The following PDIA5 variants were observed in gnomAD, a reference collection of about 807,000 sequenced individuals.
The protein encoded by PDIA5 is protein disulfide-isomerase A5.
A neutral mutation model predicts 77.6 loss-of-function variants in PDIA5; 58 were observed. The observed-to-expected ratio is 0.75, with a 90% CI of 0.61 to 0.93. PDIA5 has a LOEUF of 0.93. PDIA5 is among the 40% of genes least tolerant of loss of function. The probability of loss-of-function intolerance (pLI) is 0.00; values close to 1 mark genes in which losing one functional copy is unlikely to be tolerated. For synonymous variants in PDIA5, 250 were observed against 252.1 expected, an observed-to-expected ratio of 0.99 and a Z score of 0.08; for missense variants, 630 against 647.7, an observed-to-expected ratio of 0.97 and a Z score of 0.30.
At chr3:123,124,411 T>A in intron 10 of PDIA5, 68 bp downstream of exon 10, 1 of 1,103,984 alleles carries the variant, frequency 9.1e-7, no homozygotes, top group East Asian at 2.3e-5. Context: ...GGCCTGAGGG[T>A]CGCAGGGCTC....
At chr3:123,151,128 A>G (rs1296884558) in intron 14 of PDIA5, among the ~76,000 whole-genome samples, 1 of 152,118 alleles carries the variant, frequency 6.6e-6, no homozygotes, top group Non-Finnish European at 1.5e-5. Context: ...CCCACCTTTC[A>G]AGTGTCAGTA....
At chr3:123,143,601 G>C (rs1483506756) in intron 11 of PDIA5, among the ~76,000 whole-genome samples, 1 of 152,228 alleles carries the variant, frequency 6.6e-6, no homozygotes, top group East Asian at 1.9e-4. Flanking sequence ...GGTCCTCTCT[G>C]TCATTATGCT....
At chr3:123,121,980 C>A (rs1210270678) in intron 8 of PDIA5, among the ~76,000 whole-genome samples, 2 of 152,174 alleles carry the variant, frequency 1.3e-5, no homozygotes, top group Non-Finnish European at 2.9e-5. Flanking sequence ...CTGCACTCAG[C>A]AAGATGTCTG....
At chr3:123,096,147 A>G (rs937963226) in intron 3 of PDIA5, among the ~76,000 whole-genome samples, 2 of 151,176 alleles carry the variant, frequency 1.3e-5, no homozygotes, top group East Asian at 3.9e-4. Flanking sequence ...TTAGGTTTCT[A>G]TTCCCTTTTC....
At chr3:123,125,156 G>A (rs890925770) in intron 10 of PDIA5, among the ~76,000 whole-genome samples, 1 of 152,124 alleles carries the variant, frequency 6.6e-6, no homozygotes, top group Non-Finnish European at 1.5e-5. Context: ...CGCTGAGCAC[G>A]CACCCTACTC....
intron 8 of PDIA5, among the ~76,000 whole-genome samples, chr3:123,122,947 G>T (rs836853): frequency 0.73 from 110,291 of 152,050 alleles, 40,679 homozygotes; most frequent in Non-Finnish European, 0.8. Context: ...TTTGTGTGTC[G>T]GGCCATTCTA....
intron 3 of PDIA5, among the ~76,000 whole-genome samples, chr3:123,101,321 G>T (rs985947860): frequency 6.6e-6 from 1 of 152,148 alleles, no homozygotes; most frequent in African/African-American, 2.4e-5. Flanking sequence ...TTTCCAACAG[G>T]TTCCTGGATG....
chr3:123,071,377 C>A (rs1456117167), intron 1 of PDIA5, among the ~76,000 whole-genome samples: 1 of 152,136 alleles, frequency 6.6e-6, no homozygotes, highest in Non-Finnish European at 1.5e-5. Flanking sequence ...GAAGCTCAGA[C>A]CCTGGAGGAC....
intron 2 of PDIA5, among the ~76,000 whole-genome samples, chr3:123,090,405 C>G (rs558581727): frequency 1.3e-5 from 2 of 152,210 alleles, no homozygotes; most frequent in Non-Finnish European, 2.9e-5. Flanking sequence ...GTGATAGACA[C>G]GCTCCATTCC....
intron 3 of PDIA5, 122 bp downstream of exon 3, chr3:123,092,564 T>G: frequency 2.6e-6 from 2 of 763,974 alleles, no homozygotes; most frequent in Non-Finnish European, 4.5e-6. Context: ...GATGGAAAGA[T>G]TCCATCTAGT....
chr3:123,120,603 A>G (rs1271478069), intron 8 of PDIA5, among the ~76,000 whole-genome samples: 1 of 152,204 alleles, frequency 6.6e-6, no homozygotes, highest in Admixed American at 6.5e-5. Flanking sequence ...CCATAGCTTC[A>G]ACAAAACGTA....
chr3:123,092,458 A>G lies in PDIA5; in HGVS notation c.257+16A>G. On this transcript the variant is annotated intron_variant, in intron 3 of 16. Coordinates refer to ENST00000316218, the MANE Select transcript of PDIA5 (RefSeq NM_006810.4). ...TGGACTGTGGGTATGTGCTGGGGCC[A>G]TGTGCCATGGTGGCTGCTGGGCAGA... 2 of 1,602,962 alleles carry G rather than the reference A, an allele frequency of 1.2e-6. No homozygotes were observed. The highest frequency in any genetic ancestry group is 1.7e-6 in the Non-Finnish European group (2 of 1,170,046).
intron 1 of PDIA5, among the ~76,000 whole-genome samples, chr3:123,068,000 G>C (rs924057974): frequency 2.0e-5 from 3 of 152,118 alleles, no homozygotes; most frequent in Non-Finnish European, 4.4e-5. Flanking sequence ...ACACTTGGTG[G>C]GGGGGACTCC....
chr3:123,112,067 C>T (rs1417558806), intron 7 of PDIA5, among the ~76,000 whole-genome samples: 2 of 152,156 alleles, frequency 1.3e-5, no homozygotes, highest in Non-Finnish European at 1.5e-5. Flanking sequence ...ACAGAGACGG[C>T]GTGGCCTGCA....
At chr3:123,079,641 C>G (rs145900033) in intron 1 of PDIA5, among the ~76,000 whole-genome samples, 3 of 152,118 alleles carry the variant, frequency 2.0e-5, no homozygotes, top group African/African-American at 7.2e-5. Context: ...GTGAGTCATA[C>G]GTGTGTCAGA....
intron 10 of PDIA5, among the ~76,000 whole-genome samples, chr3:123,128,718 T>C (rs1935299146): frequency 6.6e-6 from 1 of 152,142 alleles, no homozygotes; most frequent in African/African-American, 2.4e-5. Flanking sequence ...TCTCACTCTG[T>C]TGCCCAGGCT....
At position 123,130,485 on chromosome 3, in the gene PDIA5, A is replaced by T. The variant is rs776728948; in HGVS notation, c.779A>T (p.Gln260Leu). Reference protein sequence around the residue: ...EDIVEWLKNPQPPQPQVPETP... With the variant: ...EDIVEWLKNPLPPQPQVPETP... ...GCCTGTTTTTGGTCTTCCAGTCCGCAGCCGCCACAGCCCCAGGTCCCTGAG... is the reference window on the plus strand; with the variant it reads ...GCCTGTTTTTGGTCTTCCAGTCCGCTGCCGCCACAGCCCCAGGTCCCTGAG... The change falls in exon 11 of 17, where the codon CAG becomes CTG. Residue 260 changes from glutamine to leucine, a missense_variant. Gln to Leu is a moderately radical substitution (Grantham distance 113). Transcript: ENST00000316218. 65 of 1,613,316 alleles carry T rather than the reference A, an allele frequency of 4.0e-5. No individual in the cohort carries two copies. Among genetic ancestry groups the T allele is most frequent in the Non-Finnish European group, 5.4e-5 (64 of 1,179,656 alleles).
chr3:123,155,341 C>A (rs186594299), intron 15 of PDIA5, among the ~76,000 whole-genome samples: 3 of 152,346 alleles, frequency 2.0e-5, no homozygotes, highest in African/African-American at 7.2e-5. Flanking sequence ...GGATTGTCAT[C>A]ATGCATTACT....
intron 1 of PDIA5, among the ~76,000 whole-genome samples, chr3:123,081,264 A>G (rs1446375076): frequency 6.6e-6 from 1 of 152,254 alleles, no homozygotes; most frequent in Non-Finnish European, 1.5e-5. Flanking sequence ...AATCACTTTC[A>G]GTTCCTCAGT....
Sources: gnomAD v4.1 joint callset for allele counts (sites outside exome capture counted in the v4.1 genomes callset) on GRCh38, gnomAD v4.1.1 for gene constraint, MANE v1.5 for transcripts, NCBI Gene and HGNC (gene_info 2026-07-23, HGNC 2026-07-21) for gene names.